The following CENPU variants were observed in gnomAD, a reference collection of about 807,000 sequenced individuals.
CENPU encodes centromere protein U.
In CENPU, 46 loss-of-function variants were observed where a neutral mutation model predicts 56.7. The ratio of observed to expected loss-of-function variants is 0.81; its 90% CI spans 0.64 to 1.04. CENPU has a LOEUF of 1.04. Ranked by LOEUF, CENPU falls within the 50% of genes least tolerant of loss-of-function variation. The pLI is 0.00. For synonymous variants in CENPU, 166 were observed against 163.0 expected (o/e 1.02, Z -0.14); for missense variants, 510 against 490.1 (o/e 1.04, Z -0.38).
chr4:184,714,817 T>G (rs531861297), intron 6 of CENPU, among the ~76,000 whole-genome samples: 7 of 152,150 alleles, frequency 4.6e-5, no homozygotes, highest in Admixed American at 4.6e-4. Context: ...ACATCAAAAG[T>G]CAATGGACTT....
chr4:184,711,387 T>C (rs897827138), intron 7 of CENPU, among the ~76,000 whole-genome samples: 4 of 152,216 alleles, frequency 2.6e-5, no homozygotes, highest in Non-Finnish European at 5.9e-5. Flanking sequence ...ATTCAGCATA[T>C]CCATCACCTC....
chr4:184,710,931 T>C (rs910765428), intron 7 of CENPU, among the ~76,000 whole-genome samples: 1 of 152,154 alleles, frequency 6.6e-6, no homozygotes, highest in Non-Finnish European at 1.5e-5. Flanking sequence ...TCACCACTCA[T>C]TACAGCCTCG....
At chr4:184,723,454 A>G (rs1331565982) in intron 4 of CENPU, among the ~76,000 whole-genome samples, 1 of 152,152 alleles carries the variant, frequency 6.6e-6, no homozygotes, top group Non-Finnish European at 1.5e-5. Context: ...GGTGTTACCT[A>G]CTCAAAATAT....
In CENPU at chr4:184,712,926, T is replaced by C; in HGVS notation, c.688+18A>G. ...AAATTCCTGAATGAGTGACAAAGTA[T>C]AAAACATCATTCTCTACCTGAGCCT... On this transcript the variant is annotated intron_variant, in intron 7 of 12. Transcript: ENST00000281453. 6 of 1,517,662 alleles carry C rather than the reference T, an allele frequency of 4.0e-6. No individual in the cohort carries two copies. Among genetic ancestry groups the C allele is most frequent in the Non-Finnish European group, 5.4e-6 (6 of 1,109,026 alleles). 94.0% of individuals were successfully genotyped at this position (1,517,662 alleles called of 1,614,324 possible).
rs1331299135 is a variant in CENPU, at chr4:184,716,644, G to A, written c.382-11C>T. 14 of 1,584,542 alleles carry A rather than the reference G, an allele frequency of 8.8e-6. No individual in the cohort carries two copies. The highest frequency in any genetic ancestry group is 3.4e-5 in the Admixed American group (2 of 58,174). On this transcript the variant is annotated splice_polypyrimidine_tract_variant and intron_variant, in intron 5 of 12. Coordinates refer to ENST00000281453, the MANE Select transcript of CENPU (RefSeq NM_024629.4). The stretch of plus-strand genomic sequence containing the variant: ...GAGCTTTCTTCCTGGCTGTGTGAAA[G>A]AAAAAACAGCAGTACTTATGTAGAA...
At position 184,734,082 on chromosome 4, in the gene CENPU, G is replaced by C. The variant is rs776562405; in HGVS notation, c.-20C>G. 7.8e-5 allele frequency: 120 copies of C among 1,544,744 alleles called. No individual in the cohort carries two copies. Among genetic ancestry groups the C allele is most frequent in the South Asian group, 4.0e-4 (34 of 84,234 alleles). ...GGCCATGGTGCCGCTCTCCGCTCTC[G>C]AGCGACTGGAAGCTCCCGCCAAGCC... On this transcript the variant is annotated 5_prime_UTR_variant, in exon 1 of 13. Coordinates refer to ENST00000281453, the MANE Select transcript of CENPU (RefSeq NM_024629.4).
chr4:184,696,958 G>A (rs1484369810), intron 12 of CENPU, among the ~76,000 whole-genome samples: 1 of 150,056 alleles, frequency 6.7e-6, no homozygotes. Flanking sequence ...ACAGCTCAGT[G>A]CAGCCTGGAC....
chr4:184,712,185 G>A (rs1032520688), intron 7 of CENPU, among the ~76,000 whole-genome samples: 3 of 150,064 alleles, frequency 2.0e-5, no homozygotes, highest in Non-Finnish European at 3.0e-5. Flanking sequence ...AAACAACTCA[G>A]TTGTCCATCA....
At chr4:184,724,355 C>G (rs919439945) in intron 4 of CENPU, among the ~76,000 whole-genome samples, 6 of 152,082 alleles carry the variant, frequency 3.9e-5, no homozygotes, top group African/African-American at 1.4e-4. Flanking sequence ...TGACCTGTTA[C>G]CCAACAGAGG....
intron 12 of CENPU, among the ~76,000 whole-genome samples, chr4:184,695,745 G>C (rs1292369128): frequency 2.0e-5 from 3 of 152,096 alleles, no homozygotes; most frequent in Non-Finnish European, 4.4e-5. Context: ...GTGCTGTGTA[G>C]AATCTGCTTG....
At chr4:184,731,120 C>T (rs1761629176) in intron 1 of CENPU, 152 bp from the exon 2 acceptor site, 2 of 609,366 alleles carry the variant, frequency 3.3e-6, no homozygotes, top group Non-Finnish European at 5.6e-6. Context: ...AATCCTATCA[C>T]CAATGTATAA....
rs1054525041 is a variant in CENPU, at chr4:184,702,545, CTTT to C, written c.798-107_798-105del. On this transcript the variant is annotated intron_variant, in intron 8 of 12. Transcript: ENST00000281453. ...CATACACATACAATTTGGCATATAC[CTTT>C]TTTTATTTTAAAAATATCTTTAATC... 125 of 675,096 alleles carry C rather than the reference CTTT, an allele frequency of 1.9e-4. 1 individual carries two copies. The Middle Eastern group carries it at 3.7e-3, about 20-fold the overall frequency. 41.8% of individuals were successfully genotyped at this position (675,096 alleles called of 1,614,324 possible).
intron 1 of CENPU, 115 bp downstream of exon 1, chr4:184,733,901 C>G: frequency 7.0e-7 from 1 of 1,424,798 alleles, no homozygotes; most frequent in Non-Finnish European, 9.9e-7. Flanking sequence ...ATTGGCCACT[C>G]GGGCGACCTC....
intron 1 of CENPU, among the ~76,000 whole-genome samples, chr4:184,733,743 T>G (rs1761740237): frequency 6.6e-6 from 1 of 152,182 alleles, no homozygotes; most frequent in African/African-American, 2.4e-5. Context: ...ACTCACTACT[T>G]TGGACGGCAC....
At chr4:184,714,040 A>C (rs1408377973) in intron 6 of CENPU, 2 of 152,448 alleles carry the variant, frequency 1.3e-5, no homozygotes, top group South Asian at 4.1e-4. Context: ...GGGGCACAGG[A>C]CAAGGTAAAG....
intron 4 of CENPU, among the ~76,000 whole-genome samples, chr4:184,721,477 A>AAAG (rs1761274757): frequency 6.8e-6 from 1 of 147,870 alleles, no homozygotes; most frequent in Non-Finnish European, 1.5e-5. Context: ...AAAAAAAAAA[A>AAAG]AGGACCCAAT....
chr4:184,710,881 G>A (rs1158614593), intron 7 of CENPU, among the ~76,000 whole-genome samples: 1 of 151,748 alleles, frequency 6.6e-6, no homozygotes, highest in African/African-American at 2.4e-5. Flanking sequence ...TTTGAGACAG[G>A]GTCTCACTCT....
chr4:184,694,747 G>T lies in CENPU; in HGVS notation c.*541C>A. 6.2e-7 allele frequency: 1 copy of T among 1,612,368 alleles called. No homozygotes were observed. ...TAACAGTGAAGTGGATGAAATTCCT[G>T]ATGAACTAATTATAGAAGTATTACA... On this transcript the variant is annotated 3_prime_UTR_variant, in exon 13 of 13. Transcript: ENST00000281453.
At chr4:184,705,237 A>G (rs966974032) in intron 8 of CENPU, among the ~76,000 whole-genome samples, 1 of 152,234 alleles carries the variant, frequency 6.6e-6, no homozygotes, top group Admixed American at 6.5e-5. Context: ...AATGTTACCT[A>G]GCAATGAAGT....
Sources: allele counts gnomAD v4.1 joint callset (sites outside exome capture counted in the v4.1 genomes callset), GRCh38; gene constraint gnomAD v4.1.1; transcripts MANE v1.5; gene names NCBI Gene and HGNC (gene_info 2026-07-23, HGNC 2026-07-21).